Variants in DLGAP2 observed in about 807,000 individuals in gnomAD.
DLGAP2 encodes the protein DLG associated protein 2.
A neutral mutation model predicts 100.3 loss-of-function variants in DLGAP2; 26 were observed. The observed-to-expected ratio is 0.26, with a 90% CI of 0.19 to 0.36. DLGAP2 has a LOEUF of 0.36. Among genes scored for constraint, DLGAP2 ranks in the 10% least tolerant of loss-of-function variants. The pLI, the probability that DLGAP2 is intolerant of heterozygous loss-of-function variation, is 1.00. For synonymous variants in DLGAP2, 886 were observed against 630.1 expected (o/e 1.41, Z -6.08); for missense variants, 1,858 against 1,453.2 (o/e 1.28, Z -4.53).
At chr8:824,574 C>A (rs6559191) in intron 1 of DLGAP2, among the ~76,000 whole-genome samples, 1 of 151,356 alleles carries the variant, frequency 6.6e-6, no homozygotes, top group African/African-American at 2.4e-5. Flanking sequence ...ACCTGTGTTC[C>A]CCTTGTCCTG....
At position 1,175,922 on chromosome 8, in the gene DLGAP2, C is replaced by A. The variant is rs1463050002; in HGVS notation, c.74-82929C>A. ...GGGGAGGTCGCATCCTCCCTCTCGG[C>A]TTTGCCATCTGCAAAGTGAGGACAA... On this transcript the variant is annotated intron_variant, in intron 2 of 14. Transcript: ENST00000637795. Among the ~76,000 whole-genome samples, 3 of 152,214 alleles carry A rather than the reference C, an allele frequency of 2.0e-5. No homozygotes were observed. The South Asian group carries it at 6.2e-4, about 32-fold the overall frequency.
At chr8:1,208,645 A>G (rs1478696337) in intron 2 of DLGAP2, among the ~76,000 whole-genome samples, 3 of 152,140 alleles carry the variant, frequency 2.0e-5, no homozygotes, top group Non-Finnish European at 2.9e-5. Context: ...AGACAAGAGA[A>G]AGAAATTAAG....
chr8:1,241,125 C>CGCTGTGTCTAGTTCTCTCCTGTGGT (rs1798783579), intron 2 of DLGAP2, among the ~76,000 whole-genome samples: 1 of 122,064 alleles, frequency 8.2e-6, no homozygotes, highest in African/African-American at 3.0e-5. Flanking sequence ...TCTCGCATGG[C>CGCTGTGTCTAGTTCTCTCCTGTGGT]GCCGTGTCTA....
At chr8:1,577,880 G>A (rs112916531) in intron 6 of DLGAP2, among the ~76,000 whole-genome samples, 2,137 of 152,264 alleles carry the variant, frequency 0.014, 34 homozygotes, top group African/African-American at 0.041. Flanking sequence ...CCTGAGCCCC[G>A]CCCGGTGCCT....
rs139491192 is a variant in DLGAP2, at chr8:869,914, C to G, written c.19-37998C>G. Among the ~76,000 whole-genome samples, 507 of 151,582 alleles carry G rather than the reference C, an allele frequency of 3.3e-3. 12 individuals carry two copies. Among genetic ancestry groups the G allele is most frequent in the East Asian group, 8.8e-3 (45 of 5,124 alleles). On this transcript the variant is annotated intron_variant, in intron 1 of 14. Transcript: ENST00000637795. ...GCGGGACTCTGCTCTGGAAAGAGGA[C>G]TAATCAGGGAGTACAGAATGAGGTT...
intron 2 of DLGAP2, among the ~76,000 whole-genome samples, chr8:1,004,632 C>T (rs530836681): frequency 2.0e-5 from 3 of 152,318 alleles, no homozygotes; most frequent in Non-Finnish European, 4.4e-5. Flanking sequence ...CACTGAGCCT[C>T]TGGCTCAGTC....
chr8:1,289,306 T>C (rs928976616), intron 3 of DLGAP2, among the ~76,000 whole-genome samples: 2 of 152,332 alleles, frequency 1.3e-5, no homozygotes, highest in African/African-American at 4.8e-5. Flanking sequence ...TTGACCAAAT[T>C]GGAGGAAATG....
At chr8:1,499,066 C>A (rs542925321) in intron 3 of DLGAP2, among the ~76,000 whole-genome samples, 2 of 152,332 alleles carry the variant, frequency 1.3e-5, no homozygotes, top group African/African-American at 4.8e-5. Context: ...GGCAAGGAAG[C>A]GTTTGTACTC....
At chr8:1,387,443 A>G (rs1339181388) in intron 3 of DLGAP2, among the ~76,000 whole-genome samples, 3 of 152,196 alleles carry the variant, frequency 2.0e-5, no homozygotes, top group African/African-American at 7.2e-5. Flanking sequence ...GACACACATC[A>G]CAGCATTAAG....
At chr8:879,678 C>A (rs904367973) in intron 1 of DLGAP2, among the ~76,000 whole-genome samples, 12 of 152,188 alleles carry the variant, frequency 7.9e-5, no homozygotes, top group Non-Finnish European at 1.5e-5. Flanking sequence ...CCTCCCTAAT[C>A]TATCATTTTG....
chr8:1,268,840 A>G (rs1380257469), intron 3 of DLGAP2, among the ~76,000 whole-genome samples: 2 of 152,198 alleles, frequency 1.3e-5, no homozygotes, highest in Non-Finnish European at 2.9e-5. Context: ...GGCAGGTGCT[A>G]AGACATTTTC....
At chr8:1,351,867 A>G (rs111466373) in intron 3 of DLGAP2, among the ~76,000 whole-genome samples, 877 of 42,270 alleles carry the variant, frequency 0.021, 28 homozygotes, top group East Asian at 0.15. Flanking sequence ...AAGGCCGTGC[A>G]GGTCCTGACT....
intron 2 of DLGAP2, among the ~76,000 whole-genome samples, chr8:1,126,035 G>T (rs751763512): frequency 4.6e-5 from 7 of 152,228 alleles, no homozygotes; most frequent in Non-Finnish European, 8.8e-5. Flanking sequence ...AACTGTTTGT[G>T]TATCCCCTGC....
At chr8:914,994 C>T (rs1030323103) in intron 2 of DLGAP2, among the ~76,000 whole-genome samples, 1 of 152,140 alleles carries the variant, frequency 6.6e-6, no homozygotes, top group African/African-American at 2.4e-5. Flanking sequence ...CTCCAAACCC[C>T]ACTCTCCACC....
At chr8:1,264,324 G>C (rs144013102) in intron 3 of DLGAP2, among the ~76,000 whole-genome samples, 2 of 152,092 alleles carry the variant, frequency 1.3e-5, no homozygotes, top group Non-Finnish European at 2.9e-5. Flanking sequence ...GGTAGGGGTG[G>C]TGGAAACACT....
chr8:1,005,205 C>G (rs1184145845), intron 2 of DLGAP2, among the ~76,000 whole-genome samples: 1 of 152,164 alleles, frequency 6.6e-6, no homozygotes, highest in Non-Finnish European at 1.5e-5. Context: ...GGAGCCCTTT[C>G]TGTTTTCCCA....
chr8:768,729 C>G (rs1446862538), intron 1 of DLGAP2, among the ~76,000 whole-genome samples: 1 of 152,100 alleles, frequency 6.6e-6, no homozygotes, highest in African/African-American at 2.4e-5. Flanking sequence ...GGTCTTGACT[C>G]TGATTGAGCC....
At chr8:919,410 G>C (rs143907935) in intron 2 of DLGAP2, among the ~76,000 whole-genome samples, 16 of 152,300 alleles carry the variant, frequency 1.1e-4, no homozygotes, top group African/African-American at 2.9e-4. Context: ...TTTGGGCAGC[G>C]TGAGTGGGGA....
intron 4 of DLGAP2, among the ~76,000 whole-genome samples, chr8:1,530,252 A>G (rs933127443): frequency 1.3e-5 from 2 of 152,080 alleles, no homozygotes; most frequent in Non-Finnish European, 2.9e-5. Context: ...ATAAGCCTAT[A>G]CCTCCAGGCA....
Sources: allele counts gnomAD v4.1 joint callset (sites outside exome capture counted in the v4.1 genomes callset), GRCh38; gene constraint gnomAD v4.1.1; transcripts MANE v1.5; gene names NCBI Gene and HGNC (gene_info 2026-07-23, HGNC 2026-07-21).